CEP170: variants seen among roughly 807,000 people sequenced by gnomAD.
The protein encoded by CEP170 is centrosomal protein 170, also known as centrosomal protein of 170 kDa.
In CEP170, 21 loss-of-function variants were observed where a neutral mutation model predicts 151.9. The observed-to-expected ratio is 0.14, with a 90% CI of 0.10 to 0.20. The LOEUF (loss-of-function observed/expected upper bound fraction) is 0.20. CEP170 is among the 10% of genes least tolerant of loss of function. The pLI, the probability that CEP170 is intolerant of heterozygous loss-of-function variation, is 1.00. For synonymous variants in CEP170, 356 were observed against 648.8 expected, an observed-to-expected ratio of 0.55 and a Z score of 6.86; for missense variants, 964 against 1,892.9, an observed-to-expected ratio of 0.51 and a Z score of 9.11.
chr1:243,252,990 A>ATTT (rs2066080718), intron 1 of CEP170: 1 of 152,208 alleles, frequency 6.6e-6, no homozygotes, highest in Non-Finnish European at 1.5e-5. Flanking sequence ...GGCAAAATAA[A>ATTT]CATCATAGGT....
Position 243,174,283 on chromosome 1 carries a change from G to A in CEP170, c.1567-1437C>T, listed in dbSNP as rs564124827. Among the ~76,000 whole-genome samples the A allele has an allele frequency of 1.5e-3, 220 of 151,236 alleles. 2 individuals are homozygous for A. Among genetic ancestry groups the A allele is most frequent in the African/African-American group, 4.8e-3 (198 of 41,142 alleles). ...TCTATTCTGCTATTAAATCTCCACT[G>A]TGTTCCCAATTTTTATTCTTTATAG... On this transcript the variant is annotated intron_variant, in intron 10 of 19. Coordinates refer to ENST00000366542, the MANE Select transcript of CEP170 (RefSeq NM_014812.3).
intron 4 of CEP170, among the ~76,000 whole-genome samples, chr1:243,204,601 T>A (rs1329094311): frequency 6.6e-6 from 1 of 152,196 alleles, no homozygotes; most frequent in Non-Finnish European, 1.5e-5. Flanking sequence ...TACTATACTC[T>A]GCTTTTCCTC....
At chr1:243,236,326 T>C (rs886726786) in intron 1 of CEP170, among the ~76,000 whole-genome samples, 3 of 152,212 alleles carry the variant, frequency 2.0e-5, no homozygotes, top group Non-Finnish European at 2.9e-5. Flanking sequence ...ATGATGCAGG[T>C]GATTCTGCCA....
At chr1:243,183,681 C>T (rs2148703185) in intron 10 of CEP170, among the ~76,000 whole-genome samples, 1 of 152,050 alleles carries the variant, frequency 6.6e-6, no homozygotes, top group Admixed American at 6.5e-5. Context: ...TTTGTTCTTC[C>T]CAGCAATATG....
chr1:243,171,666 A>G (rs1209922217), intron 11 of CEP170, among the ~76,000 whole-genome samples: 1 of 152,188 alleles, frequency 6.6e-6, no homozygotes, highest in Non-Finnish European at 1.5e-5. Context: ...TGACACATCA[A>G]TGTGGTATGA....
At chr1:243,152,913 C>T (rs1572282610) in intron 14 of CEP170, among the ~76,000 whole-genome samples, 1 of 152,148 alleles carries the variant, frequency 6.6e-6, no homozygotes, top group African/African-American at 2.4e-5. Context: ...GGTAATGATT[C>T]CTCTAATAGA....
Position 243,189,424 on chromosome 1 carries a change from T to C in CEP170, c.1108+1594A>G, listed in dbSNP as rs541360346. 6.2e-3 allele frequency among the ~76,000 whole-genome samples: 942 copies of C among 151,662 alleles called. 8 individuals carry two copies. The highest frequency in any genetic ancestry group is 0.01 in the Middle Eastern group (3 of 290). On this transcript the variant is annotated intron_variant, in intron 8 of 19. Transcript: ENST00000366542. ...AAAAAAAATTAGCCGGGTGTGGTGG[T>C]GGGCGCCTGTAGTTCCAGCTACTCG...
chr1:243,162,415 G>A (rs1280300285), intron 13 of CEP170, among the ~76,000 whole-genome samples: 2 of 152,140 alleles, frequency 1.3e-5, no homozygotes, highest in African/African-American at 2.4e-5. Flanking sequence ...TAAATTCCAT[G>A]ATTCTAATTA....
At chr1:243,201,483 A>G (rs2061024829) in intron 4 of CEP170, among the ~76,000 whole-genome samples, 1 of 152,162 alleles carries the variant, frequency 6.6e-6, no homozygotes, top group African/African-American at 2.4e-5. Flanking sequence ...CTGCCTCTGT[A>G]TATTAAAAAG....
At chr1:243,155,442 T>A (rs995337905) in intron 14 of CEP170, among the ~76,000 whole-genome samples, 2 of 152,064 alleles carry the variant, frequency 1.3e-5, no homozygotes, top group Non-Finnish European at 2.9e-5. Context: ...AAGATTAAGG[T>A]CTTAAAGACA....
At chr1:243,248,114 A>G (rs2065595742) in intron 1 of CEP170, among the ~76,000 whole-genome samples, 1 of 152,232 alleles carries the variant, frequency 6.6e-6, no homozygotes. Context: ...CCAGGGGAGA[A>G]TAACTGTGAA....
At chr1:243,146,391 A>G (rs988356271) in intron 14 of CEP170, among the ~76,000 whole-genome samples, 1 of 152,234 alleles carries the variant, frequency 6.6e-6, no homozygotes, top group Non-Finnish European at 1.5e-5. Context: ...CTAATGGTAT[A>G]AAAGCCAGTC....
chr1:243,235,600 C>A (rs1360377365), intron 1 of CEP170, among the ~76,000 whole-genome samples: 1 of 151,290 alleles, frequency 6.6e-6, no homozygotes, highest in African/African-American at 2.4e-5. Context: ...ATTATTAATT[C>A]TTTTGTGAAA....
chr1:243,212,354 T>C (rs376195096), intron 3 of CEP170, among the ~76,000 whole-genome samples: 7 of 152,158 alleles, frequency 4.6e-5, no homozygotes, highest in Admixed American at 4.6e-4. Context: ...TGTGTAAGCA[T>C]TGACATTTCA....
chr1:243,131,962 G>A (rs536201204), intron 17 of CEP170, among the ~76,000 whole-genome samples: 4 of 152,272 alleles, frequency 2.6e-5, no homozygotes, highest in Non-Finnish European at 4.4e-5. Context: ...ATGCGAACGC[G>A]GAGTTGCGAA....
rs1172098150 is a variant in CEP170 at position 243,231,181 on chromosome 1, CATCATCATCATT to C, written c.-41-5872_-41-5861del. Among the ~76,000 whole-genome samples the C allele has an allele frequency of 3.2e-4, 41 of 129,082 alleles. 1 individual carries two copies. Among genetic ancestry groups the C allele is most frequent in the East Asian group, 3.0e-3 (12 of 3,962 alleles). The allele number at this position is 129,082 out of a possible 152,430, so 84.7% of individuals were successfully genotyped here. On this transcript the variant is annotated intron_variant, in intron 1 of 19. Coordinates refer to ENST00000366542, the MANE Select transcript of CEP170 (RefSeq NM_014812.3). ...TCATCATCATCATCATCATCATCAT[CATCATCATCATT>C]ATTATTATTATTATCATCATTATTA...
intron 10 of CEP170, among the ~76,000 whole-genome samples, chr1:243,178,811 C>T (rs1007766030): frequency 2.6e-4 from 40 of 152,076 alleles, no homozygotes; most frequent in Middle Eastern, 3.4e-3. Flanking sequence ...CTCCGCCTCC[C>T]GGGTTCAAGC....
chr1:243,140,785 A>G (rs563861844), intron 15 of CEP170, among the ~76,000 whole-genome samples: 1 of 152,344 alleles, frequency 6.6e-6, no homozygotes, highest in South Asian at 2.1e-4. Flanking sequence ...ACAAAAAGAA[A>G]ATAAAGTTTA....
At chr1:243,157,152 A>C (rs2057639130) in intron 13 of CEP170, among the ~76,000 whole-genome samples, 1 of 152,366 alleles carries the variant, frequency 6.6e-6, no homozygotes, top group South Asian at 2.1e-4. Context: ...TAAAATCTAC[A>C]AAAAGCAAAA....
Sources: allele counts gnomAD v4.1 joint callset (sites outside exome capture counted in the v4.1 genomes callset), GRCh38; gene constraint gnomAD v4.1.1; transcripts MANE v1.5; gene names NCBI Gene and HGNC (gene_info 2026-07-23, HGNC 2026-07-21).